Variants in SYTL3 observed in about 807,000 individuals in gnomAD.
SYTL3 encodes synaptotagmin like 3, also known as synaptotagmin-like protein 3.
In SYTL3, 88 loss-of-function variants were observed where a neutral mutation model predicts 82.1. That is an observed-to-expected ratio of 1.07 (90% CI 0.90 to 1.28). The LOEUF is 1.28. Among genes scored for constraint, SYTL3 ranks in the 50% most tolerant of loss-of-function variants. The pLI is 0.00. For missense variants in SYTL3, 831 were observed against 757.6 expected (o/e 1.10, Z -1.14); for synonymous variants, 311 against 289.4 (o/e 1.07, Z -0.76).
chr6:158,762,073 C>T lies in SYTL3; in HGVS notation c.1415-3C>T, dbSNP rs984633437. On this transcript the variant is annotated splice_polypyrimidine_tract_variant and splice_region_variant and intron_variant, in intron 15 of 17. Coordinates refer to ENST00000611299, the MANE Select transcript of SYTL3 (RefSeq NM_001242394.2). Reference sequence around the variant, plus strand: ...TGACAGTGAATACTGGCTTTCCTTCCAGGGACAGATCAGCCATCACTTCAT... The same window carrying T: ...TGACAGTGAATACTGGCTTTCCTTCTAGGGACAGATCAGCCATCACTTCAT... The T allele has an allele frequency of 1.2e-6, 2 of 1,611,362 alleles. No individual in the cohort carries two copies. The highest frequency in any genetic ancestry group is 1.3e-5 in the African/African-American group (1 of 74,806).
At chr6:158,734,094 C>CAAAAAAAA (rs560547617) in intron 11 of SYTL3, among the ~76,000 whole-genome samples, 9 of 74,522 alleles carry the variant, frequency 1.2e-4, no homozygotes, top group African/African-American at 3.9e-4. Flanking sequence ...GACCCTGTCT[C>CAAAAAAAA]AAAAAAAAAA....
At chr6:158,721,215 G>C (rs538318071) in intron 10 of SYTL3, among the ~76,000 whole-genome samples, 1 of 152,028 alleles carries the variant, frequency 6.6e-6, no homozygotes, top group South Asian at 2.1e-4. Context: ...TGGCTGGGTT[G>C]GTTTCTTTGT....
chr6:158,736,245 G>A (rs550795557), intron 11 of SYTL3, among the ~76,000 whole-genome samples: 4 of 151,984 alleles, frequency 2.6e-5, no homozygotes, highest in Non-Finnish European at 5.9e-5. Flanking sequence ...CAGCTACTCG[G>A]GAGGCTGAGG....
rs139885394 is a variant in SYTL3, at chr6:158,761,510, A to T, written c.1415-566A>T. 5.3e-5 allele frequency among the ~76,000 whole-genome samples: 8 copies of T among 151,826 alleles called. No homozygotes were observed. In the East Asian group the frequency reaches 9.7e-4, roughly 18 times the overall value. On this transcript the variant is annotated intron_variant, in intron 15 of 17. Coordinates refer to ENST00000611299, the MANE Select transcript of SYTL3 (RefSeq NM_001242394.2). Reference sequence around the variant, plus strand: ...CTTTAAGTAGAGACAGGGTTTCACCATGTTAGCCAGGATGGTCTCGATCTC... The same window carrying T: ...CTTTAAGTAGAGACAGGGTTTCACCTTGTTAGCCAGGATGGTCTCGATCTC...
rs1400847436 is a variant in SYTL3 at position 158,757,218 on chromosome 6, T to C, written c.1145T>C (p.Val382Ala). Residue 382 changes from valine to alanine, a missense_variant, in exon 14 of 18, where the codon GTG (valine) becomes GCG (alanine). Coordinates refer to ENST00000611299, the MANE Select transcript of SYTL3 (RefSeq NM_001242394.2). The stretch of plus-strand genomic sequence containing the variant: ...TCTTCCTTGCCTCTGCAGTATCAGG[T>C]GGCCCCTGCCCAGCTGGTGACCCGG... ...PTFQETLKYQ[V>A]APAQLVTRQL... The C allele has an allele frequency of 6.2e-7, 1 of 1,607,994 alleles. No individual in the cohort carries two copies. The highest frequency in any genetic ancestry group is 1.1e-5 in the South Asian group (1 of 90,930).
At chr6:158,760,075 T>G (rs915372106) in intron 14 of SYTL3, among the ~76,000 whole-genome samples, 1 of 152,014 alleles carries the variant, frequency 6.6e-6, no homozygotes, top group African/African-American at 2.4e-5. Flanking sequence ...CTCATCTCTT[T>G]CCCGGCCCTC....
intron 5 of SYTL3, among the ~76,000 whole-genome samples, chr6:158,667,892 A>G (rs1047660921): frequency 2.0e-5 from 3 of 152,208 alleles, no homozygotes; most frequent in Non-Finnish European, 4.4e-5. Context: ...CTCTTAGAGA[A>G]CTGAGTGCCA....
At chr6:158,728,894 G>T (rs1212542679) in intron 11 of SYTL3, among the ~76,000 whole-genome samples, 1 of 152,130 alleles carries the variant, frequency 6.6e-6, no homozygotes, top group African/African-American at 2.4e-5. Context: ...CAAAAAATTA[G>T]CCAGGCGTGA....
intron 10 of SYTL3, among the ~76,000 whole-genome samples, chr6:158,723,476 T>G (rs1051172972): frequency 1.3e-5 from 2 of 152,152 alleles, no homozygotes; most frequent in Non-Finnish European, 2.9e-5. Flanking sequence ...GTCACGTGTT[T>G]TCCAGCACTC....
chr6:158,700,479 TAATGA>T (rs1232337822), intron 6 of SYTL3, among the ~76,000 whole-genome samples: 7 of 152,068 alleles, frequency 4.6e-5, no homozygotes, highest in Non-Finnish European at 1.0e-4. Flanking sequence ...GTGAATGAAT[TAATGA>T]AATTACATGT....
intron 5 of SYTL3, among the ~76,000 whole-genome samples, chr6:158,670,239 G>T (rs970431823): frequency 6.6e-6 from 1 of 152,080 alleles, no homozygotes; most frequent in African/African-American, 2.4e-5. Context: ...TATTCACAAA[G>T]GCAAATAACT....
intron 13 of SYTL3, among the ~76,000 whole-genome samples, chr6:158,756,718 AATTTTTTTTTTTTTTTTTT>A (rs1789140656): frequency 2.1e-5 from 1 of 47,340 alleles, no homozygotes; most frequent in Non-Finnish European, 4.0e-5. Flanking sequence ...CTCAAAAAAA[AATTTTTTTTTTTTTTTTTT>A]TTTTTTTTTT....
rs79648271 is a variant in SYTL3 at position 158,754,023 on chromosome 6, C to T, written c.1137+1993C>T. Among the ~76,000 whole-genome samples, 740 of 152,222 alleles carry T rather than the reference C, an allele frequency of 4.9e-3. 23 individuals carry two copies. In the East Asian group the frequency reaches 0.11, roughly 23 times the overall value. On this transcript the variant is annotated intron_variant, in intron 13 of 17. Coordinates refer to ENST00000611299, the MANE Select transcript of SYTL3 (RefSeq NM_001242394.2). ...GAGGCCGATCCAGCATTAAAAGTCT[C>T]GCTAGAAGCCAGTATTTCCAATCAC...
At chr6:158,701,774 C>A (rs1781335173) in intron 6 of SYTL3, among the ~76,000 whole-genome samples, 1 of 151,970 alleles carries the variant, frequency 6.6e-6, no homozygotes, top group Non-Finnish European at 1.5e-5. Context: ...TATCATCTCC[C>A]AGTTCTGGAG....
At chr6:158,677,334 A>G (rs1429294095) in intron 5 of SYTL3, among the ~76,000 whole-genome samples, 1 of 152,092 alleles carries the variant, frequency 6.6e-6, no homozygotes, top group Non-Finnish European at 1.5e-5. Flanking sequence ...CATGTTTCTC[A>G]CTCATAGGTG....
At chr6:158,725,724 T>C (rs1784651590) in intron 11 of SYTL3, 87 bp downstream of exon 11, 2 of 1,500,494 alleles carry the variant, frequency 1.3e-6, no homozygotes, top group Non-Finnish European at 1.8e-6. Flanking sequence ...TTTCAATTAC[T>C]CCTATTTGAA....
intron 6 of SYTL3, among the ~76,000 whole-genome samples, chr6:158,698,416 C>CTCT (rs373124689): frequency 7.3e-6 from 1 of 136,510 alleles, no homozygotes; most frequent in Non-Finnish European, 1.6e-5. Context: ...AAAAAAAAGG[C>CTCT]TCTGGACTCC....
At position 158,725,564 on chromosome 6, in the gene SYTL3, AC is replaced by A; in HGVS notation, c.785del (p.Pro262LeufsTer3). On this transcript the variant is annotated frameshift_variant, in exon 11 of 18. Transcript: ENST00000611299. LOFTEE classifies it high-confidence loss of function. Reference sequence around the variant, plus strand: ...CAAGAGGATCCCAAATGCTCTACTAACCCTATTTTGAAGCAACAGAATCTCC... The same window carrying A: ...CAAGAGGATCCCAAATGCTCTACTAACCTATTTTGAAGCAACAGAATCTCC... Reference protein sequence around the residue: ...LNQEDPKCSTNPILKQQNLPS... With the variant: ...LNQEDPKCSTXPILKQQNLPS... 6.2e-7 allele frequency: 1 copy of A among 1,613,984 alleles called. No homozygotes were observed. Among genetic ancestry groups the A allele is most frequent in the Non-Finnish European group, 8.5e-7 (1 of 1,179,996 alleles).
chr6:158,683,950 C>G (rs774690637), intron 6 of SYTL3, among the ~76,000 whole-genome samples: 1 of 152,182 alleles, frequency 6.6e-6, no homozygotes, highest in Non-Finnish European at 1.5e-5. Flanking sequence ...AAAACTAATA[C>G]AGGTGGAGAG....
Sources: allele counts gnomAD v4.1 joint callset (sites outside exome capture counted in the v4.1 genomes callset), GRCh38; gene constraint gnomAD v4.1.1; transcripts MANE v1.5; gene names NCBI Gene and HGNC (gene_info 2026-07-23, HGNC 2026-07-21).